The following SEC23IP variants were observed in gnomAD, a reference collection of about 807,000 sequenced individuals.
SEC23IP encodes the protein SEC23 interacting protein, also known as SEC23-interacting protein.
In SEC23IP, 70 loss-of-function variants were observed where a neutral mutation model predicts 113.4. That is an observed-to-expected ratio of 0.62 (90% CI 0.51 to 0.75). SEC23IP has a LOEUF of 0.75. SEC23IP is among the 30% of genes least tolerant of loss of function. SEC23IP has a pLI of 0.00. For missense variants in SEC23IP, 1,160 were observed against 1,204.9 expected (o/e 0.96, Z 0.55); for synonymous variants, 398 against 421.0 (o/e 0.95, Z 0.67).
At chr10:119,934,044 T>C (rs1302945069) in intron 18 of SEC23IP, among the ~76,000 whole-genome samples, 1 of 152,232 alleles carries the variant, frequency 6.6e-6, no homozygotes, top group East Asian at 1.9e-4. Flanking sequence ...TTCCCAAGAA[T>C]ATCAGTTAGG....
chr10:119,933,016 G>A lies in SEC23IP; in HGVS notation c.2770G>A (p.Val924Ile). ...GGTTTAAATTCTAGCAGAAAAGGTT[G>A]TTGAAAGTCCAGATTTTTCCAAGGA... ...EKQVVEAEKV[V>I]ESPDFSKDED... Residue 924 changes from valine to isoleucine, a missense_variant, in exon 17 of 19, where the codon GTT (valine) becomes ATT (isoleucine). Physicochemically the swap from Val to Ile is conservative, Grantham distance 29. Coordinates refer to ENST00000369075, the MANE Select transcript of SEC23IP (RefSeq NM_007190.4). 3 of 1,613,360 alleles carry A rather than the reference G, an allele frequency of 1.9e-6. No homozygotes were observed. Among genetic ancestry groups the A allele is most frequent in the Middle Eastern group, 3.3e-4 (2 of 6,060 alleles).
At position 119,919,459 on chromosome 10, in the gene SEC23IP, A is replaced by G; in HGVS notation, c.1888A>G (p.Lys630Glu). The change falls in exon 11 of 19, where the codon AAG (lysine) becomes GAG (glutamate). Residue 630 changes from lysine (K) to glutamate (E), a missense_variant. Transcript: ENST00000369075. Reference protein sequence around the residue: ...FQEKQMPEEPKLTLDESYDLV... With the variant: ...FQEKQMPEEPELTLDESYDLV... Reference sequence around the variant, plus strand: ...TTTTTTAAAGATGCCTGAAGAGCCAAAGCTGACTTTGGATGAGTCGTATGA... The same window carrying G: ...TTTTTTAAAGATGCCTGAAGAGCCAGAGCTGACTTTGGATGAGTCGTATGA... 1 of 1,597,576 alleles carries G rather than the reference A, an allele frequency of 6.3e-7. No homozygotes were observed. Among genetic ancestry groups the G allele is most frequent in the Non-Finnish European group, 8.5e-7 (1 of 1,175,990 alleles).
chr10:119,933,821 A>G, intron 18 of SEC23IP, 34 bp downstream of exon 18: 2 of 1,073,812 alleles, frequency 1.9e-6, no homozygotes, highest in South Asian at 2.7e-5. Context: ...ATAAATTCTG[A>G]ATGTTTGCAT....
chr10:119,933,096 C>A lies in SEC23IP; in HGVS notation c.2850C>A (p.Tyr950Ter). 6.2e-7 allele frequency: 1 copy of A among 1,613,768 alleles called. No individual in the cohort carries two copies. Among genetic ancestry groups the A allele is most frequent in the Non-Finnish European group, 8.5e-7 (1 of 1,179,644 alleles). Reference protein sequence around the residue: ...GMLNGGRRIDYVLQEKPIESF... With the variant: ...GMLNGGRRID ...TAAATGGAGGCCGCCGAATTGACTA[C>A]GTTCTCCAAGAAAAACCAATAGAGA... is the stretch of plus-strand genomic sequence containing the variant. The change falls in exon 17 of 19, where the codon TAC (tyrosine) becomes TAA (stop). Residue 950 changes from tyrosine to a stop codon, truncating the protein, a stop_gained. Coordinates refer to ENST00000369075, the MANE Select transcript of SEC23IP (RefSeq NM_007190.4). LOFTEE classifies it high-confidence loss of function.
chr10:119,920,042 TGA>T (rs1855197663), intron 11 of SEC23IP, among the ~76,000 whole-genome samples: 1 of 152,072 alleles, frequency 6.6e-6, no homozygotes, highest in Non-Finnish European at 1.5e-5. Context: ...AAATGGAAAT[TGA>T]AAGTACAATG....
chr10:119,912,689 G>C (rs921870317), intron 6 of SEC23IP, among the ~76,000 whole-genome samples: 1 of 146,598 alleles, frequency 6.8e-6, no homozygotes, highest in Non-Finnish European at 1.5e-5. Context: ...TGGCCAGGCT[G>C]GAGTACAGTG....
chr10:119,899,036 A>G (rs778595654), intron 2 of SEC23IP, 77 bp downstream of exon 2: 109 of 1,215,636 alleles, frequency 9.0e-5, no homozygotes, highest in Non-Finnish European at 1.1e-4. Context: ...TTTAAAAAAC[A>G]TTTCACATCT....
chr10:119,934,874 C>T (rs1426772229), intron 18 of SEC23IP, among the ~76,000 whole-genome samples: 3 of 152,194 alleles, frequency 2.0e-5, no homozygotes, highest in African/African-American at 7.2e-5. Flanking sequence ...TGGTGTCTCA[C>T]ACCTCTAATC....
chr10:119,924,902 C>T (rs1855371523), intron 12 of SEC23IP, among the ~76,000 whole-genome samples: 1 of 152,106 alleles, frequency 6.6e-6, no homozygotes, highest in Non-Finnish European at 1.5e-5. Context: ...CTCATCCTCC[C>T]AAGTAGCTGG....
intron 8 of SEC23IP, among the ~76,000 whole-genome samples, chr10:119,916,702 G>C (rs181176709): frequency 4.9e-4 from 75 of 152,122 alleles, no homozygotes; most frequent in African/African-American, 1.7e-3. Flanking sequence ...TGACCCACAA[G>C]TTTTGTCAGG....
Position 119,915,728 on chromosome 10 carries a change from T to C in SEC23IP, c.1403-20T>C, listed in dbSNP as rs540524327. ...TAGGAGAATTTAATTTATTTTCTCTTTTTTTTTTTTCTTTTGAAGTGGATG... is the reference window on the plus strand; with the variant it reads ...TAGGAGAATTTAATTTATTTTCTCTCTTTTTTTTTTCTTTTGAAGTGGATG... On this transcript the variant is annotated intron_variant, in intron 7 of 18. Transcript: ENST00000369075. 413 of 1,421,820 alleles carry C rather than the reference T, an allele frequency of 2.9e-4. 1 individual carries two copies. Among genetic ancestry groups the C allele is most frequent in the Non-Finnish European group, 2.5e-4 (271 of 1,065,684 alleles). 88.1% of individuals were successfully genotyped at this position (1,421,820 alleles called of 1,614,324 possible).
chr10:119,919,315 G>A (rs1855161627), intron 10 of SEC23IP, 129 bp from the exon 11 acceptor site: 3 of 843,066 alleles, frequency 3.6e-6, no homozygotes, highest in East Asian at 2.6e-5. Context: ...ACTTTGAATG[G>A]CAAAGTACTG....
At position 119,892,835 on chromosome 10, in the gene SEC23IP, C is replaced by T. The variant is rs1442393779; in HGVS notation, c.53C>T (p.Ser18Leu). The change falls in exon 1 of 19, where the codon TCG becomes TTG. Residue 18 changes from serine to leucine, a missense_variant. Ser to Leu is a moderately radical substitution (Grantham distance 145, BLOSUM62 -2). Transcript: ENST00000369075. The part of the protein sequence containing the change: ...GGSGGASTSS[S>L]GTNLLFSSSA... ...AGCGGCGGCGCCTCCACTTCCTCAT[C>T]GGGCACTAACTTACTTTTCTCCTCC... The T allele has an allele frequency of 2.5e-6, 4 of 1,613,642 alleles. No individual in the cohort carries two copies. The highest frequency in any genetic ancestry group is 2.2e-5 in the East Asian group (1 of 44,854).
rs1324967828 is a variant in SEC23IP, at chr10:119,943,541, G to T, written c.*2976G>T. The T allele has an allele frequency of 6.6e-6, 1 of 152,190 alleles. No homozygotes were observed. The highest frequency in any genetic ancestry group is 1.5e-5 in the Non-Finnish European group (1 of 68,072). The allele number at this position is 152,190 out of a possible 1,614,324, so 9.4% of individuals were successfully genotyped here. A position where few individuals can be genotyped will look rare whatever the true frequency, so the allele number is the denominator to read the frequency against. ...GGAGGTGGAGGTTGCAGTGAGTTGG[G>T]ATCTCGCCACTGCACTCTAGCCTGA... On this transcript the variant is annotated 3_prime_UTR_variant, in exon 19 of 19. Transcript: ENST00000369075.
In SEC23IP at chr10:119,925,943, C is replaced by G. The variant is rs140957872; in HGVS notation, c.2122-93C>G. On this transcript the variant is annotated intron_variant, in intron 12 of 18. Transcript: ENST00000369075. The stretch of plus-strand genomic sequence containing the variant: ...TTACTATTCCTAAGAAGTAGCTAAT[C>G]ATTCCTTAATACTGAGATAGCATGT... 7.1e-4 allele frequency: 726 copies of G among 1,029,440 alleles called. 3 individuals carry two copies. In the African/African-American group the frequency reaches 9.9e-3, roughly 14 times the overall value. 63.8% of individuals were successfully genotyped at this position (1,029,440 alleles called of 1,614,324 possible).
chr10:119,927,018 G>C (rs1855445382), intron 13 of SEC23IP, among the ~76,000 whole-genome samples: 1 of 152,074 alleles, frequency 6.6e-6, no homozygotes, highest in Non-Finnish European at 1.5e-5. Flanking sequence ...TCCTACCTCA[G>C]CCTCCCAGGT....
At chr10:119,903,301 T>C (rs1320013568) in intron 3 of SEC23IP, among the ~76,000 whole-genome samples, 1 of 152,220 alleles carries the variant, frequency 6.6e-6, no homozygotes, top group Non-Finnish European at 1.5e-5. Context: ...TTTGTAGTTA[T>C]GGGGGCATTT....
chr10:119,913,005 G>A (rs1170276404), intron 6 of SEC23IP, among the ~76,000 whole-genome samples: 4 of 152,056 alleles, frequency 2.6e-5, no homozygotes, highest in African/African-American at 4.8e-5. Context: ...CTGTGCTATC[G>A]AACAGTAGAA....
At position 119,917,951 on chromosome 10, in the gene SEC23IP, A is replaced by G. The variant is rs1855108095; in HGVS notation, c.1660A>G (p.Lys554Glu). ...CACCTACTGTCAGACAATTGTGGAA[A>G]AAGTAGGAATGGAGATAAACCATCT... is the stretch of plus-strand genomic sequence containing the variant. The part of the protein sequence containing the change: ...SPTYCQTIVE[K>E]VGMEINHLHA... The change falls in exon 9 of 19, where the codon AAA (lysine) becomes GAA (glutamate). Residue 554 changes from lysine (K) to glutamate (E), a missense_variant. Transcript: ENST00000369075. 5 of 1,614,008 alleles carry G rather than the reference A, an allele frequency of 3.1e-6. No homozygotes were observed. The South Asian group carries it at 5.5e-5, about 18-fold the overall frequency.
Sources: gnomAD v4.1 joint callset for allele counts (sites outside exome capture counted in the v4.1 genomes callset) on GRCh38, gnomAD v4.1.1 for gene constraint, MANE v1.5 for transcripts, NCBI Gene and HGNC (gene_info 2026-07-23, HGNC 2026-07-21) for gene names.